The following RFWD3 variants were observed in gnomAD, a reference collection of about 807,000 sequenced individuals.
The protein encoded by RFWD3 is ring finger and WD repeat domain 3.
A neutral mutation model predicts 87.7 loss-of-function variants in RFWD3; 65 were observed. The observed-to-expected ratio is 0.74, with a 90% CI of 0.61 to 0.91. The LOEUF is 0.91. Among genes scored for constraint, RFWD3 ranks in the 40% least tolerant of loss-of-function variants. RFWD3 has a pLI of 0.00. For synonymous variants in RFWD3, 433 were observed against 352.8 expected (o/e 1.23, Z -2.55); for missense variants, 1,078 against 938.5 (o/e 1.15, Z -1.94).
chr16:74,660,967 T>C lies in RFWD3; in HGVS notation c.483A>G (p.Ala161=), dbSNP rs1390801527. 6.2e-7 allele frequency: 1 copy of C among 1,614,148 alleles called. No homozygotes were observed. Among genetic ancestry groups the C allele is most frequent in the Non-Finnish European group, 8.5e-7 (1 of 1,179,982 alleles). ...TRRRVSASRR[A]RAGGSQRTDS... ...CTGTCCTCTGAGACCCTCCGGCTCT[T>C]GCCCTCCGTGAAGCAGATACCCTCC... The change falls in exon 2 of 13, where the codon GCA becomes GCG. Residue 161 remains alanine (A), a synonymous_variant. Coordinates refer to ENST00000361070, the MANE Select transcript of RFWD3 (RefSeq NM_018124.4).
intron 4 of RFWD3, among the ~76,000 whole-genome samples, chr16:74,647,852 A>T (rs1480249710): frequency 6.6e-6 from 1 of 152,170 alleles, no homozygotes; most frequent in Non-Finnish European, 1.5e-5. Flanking sequence ...TTGGCCTCCA[A>T]CAGTGCTGGG....
At chr16:74,631,463 A>ACTCTCTCTCTCT (rs56056110) in intron 9 of RFWD3, among the ~76,000 whole-genome samples, 4,045 of 150,218 alleles carry the variant, frequency 0.027, 84 homozygotes, top group South Asian at 0.051. Context: ...ACAGAGTGAG[A>ACTCTCTCTCTCT]CTCTCTCTCT....
intron 2 of RFWD3, among the ~76,000 whole-genome samples, chr16:74,652,464 G>C (rs1442425591): frequency 6.6e-6 from 1 of 152,142 alleles, no homozygotes; most frequent in East Asian, 1.9e-4. Context: ...GGGAGGGTTA[G>C]CAAGAAGAAA....
chr16:74,637,286 C>T (rs895352800), intron 7 of RFWD3, among the ~76,000 whole-genome samples: 2 of 152,072 alleles, frequency 1.3e-5, no homozygotes, highest in Non-Finnish European at 2.9e-5. Flanking sequence ...GGTAAAATTA[C>T]TTAAACAAGT....
intron 4 of RFWD3, among the ~76,000 whole-genome samples, chr16:74,645,815 G>C (rs9925807): frequency 0.86 from 125,558 of 146,040 alleles, 54,141 homozygotes; most frequent in African/African-American, 0.95. Context: ...TGTAGCGGCA[G>C]AATCTCGGCT....
At chr16:74,661,747 C>T (rs1331251177) in intron 1 of RFWD3, among the ~76,000 whole-genome samples, 1 of 152,186 alleles carries the variant, frequency 6.6e-6, no homozygotes, top group Non-Finnish European at 1.5e-5. Context: ...GATTAAACTA[C>T]TGGGTCTAAA....
At chr16:74,631,208 A>G (rs901771708) in intron 9 of RFWD3, among the ~76,000 whole-genome samples, 6 of 152,154 alleles carry the variant, frequency 3.9e-5, no homozygotes, top group African/African-American at 1.4e-4. Context: ...AAAGGGCTGG[A>G]CATGGTGGCT....
intron 1 of RFWD3, among the ~76,000 whole-genome samples, chr16:74,663,072 T>C (rs1321943690): frequency 2.0e-5 from 3 of 151,770 alleles, no homozygotes; most frequent in East Asian, 3.9e-4. Flanking sequence ...GCCTGGCTAA[T>C]TTTTTGTATT....
At chr16:74,643,960 AG>A (rs1959895206) in intron 6 of RFWD3, 1 of 245,906 alleles carries the variant, frequency 4.1e-6, no homozygotes, top group Non-Finnish European at 8.1e-6. Flanking sequence ...TACAGGCGTG[AG>A]CCACCATGCC....
chr16:74,645,101 A>G (rs978311703), intron 4 of RFWD3, among the ~76,000 whole-genome samples: 7 of 152,244 alleles, frequency 4.6e-5, no homozygotes, highest in South Asian at 4.1e-4. Flanking sequence ...ACAATGGTCA[A>G]TAAGTGTTTG....
At chr16:74,632,717 C>CTATTT in intron 8 of RFWD3, 44 bp from the exon 9 acceptor site, 1 of 1,588,718 alleles carries the variant, frequency 6.3e-7, no homozygotes, top group Non-Finnish European at 8.6e-7. Flanking sequence ...TGAAAGTGAA[C>CTATTT]CTAGGGCAAT....
chr16:74,665,487 A>G (rs964414525), intron 1 of RFWD3, among the ~76,000 whole-genome samples: 2 of 151,890 alleles, frequency 1.3e-5, no homozygotes, highest in African/African-American at 4.8e-5. Flanking sequence ...CTGAGGCAGG[A>G]GAATCGCTTG....
At position 74,623,228 on chromosome 16, in the gene RFWD3, C is replaced by G. The variant is rs1958816668; in HGVS notation, c.*700G>C. Reference sequence around the variant, plus strand: ...TTCGCAAAGCAATGAACTTAATGCACTAGGCATTAGCAAAGGGAATCGTTC... The same window carrying G: ...TTCGCAAAGCAATGAACTTAATGCAGTAGGCATTAGCAAAGGGAATCGTTC... On this transcript the variant is annotated 3_prime_UTR_variant, in exon 13 of 13. Coordinates refer to ENST00000361070, the MANE Select transcript of RFWD3 (RefSeq NM_018124.4). The G allele has an allele frequency of 6.5e-6, 1 of 152,674 alleles. No homozygotes were observed. The highest frequency in any genetic ancestry group is 2.4e-5 in the African/African-American group (1 of 41,452). The allele number at this position is 152,674 out of a possible 1,614,324, so 9.5% of individuals were successfully genotyped here. A position where few individuals can be genotyped will look rare whatever the true frequency, so the allele number is the denominator to read the frequency against.
chr16:74,649,307 T>C, intron 3 of RFWD3, 105 bp from the exon 4 acceptor site: 1 of 702,832 alleles, frequency 1.4e-6, no homozygotes, highest in Non-Finnish European at 2.4e-6. Context: ...CAGCTTCCCA[T>C]TTCTAACTGA....
Position 74,622,892 on chromosome 16 carries a change from C to G in RFWD3, c.*1036G>C, listed in dbSNP as rs1454931140. The G allele has an allele frequency of 6.6e-6, 1 of 152,212 alleles. No homozygotes were observed. The highest frequency in any genetic ancestry group is 1.5e-5 in the Non-Finnish European group (1 of 68,038). 9.4% of individuals were successfully genotyped at this position (152,212 alleles called of 1,614,324 possible). The stretch of plus-strand genomic sequence containing the variant: ...GGATAACTGGAATGTATAAAGAACA[C>G]TTAAGAACAGCCCCTCAGTCTGAGG... On this transcript the variant is annotated 3_prime_UTR_variant, in exon 13 of 13. Transcript: ENST00000361070.
chr16:74,626,556 T>A lies in RFWD3; in HGVS notation c.1970-2A>T. 2 of 1,613,260 alleles carry A rather than the reference T, an allele frequency of 1.2e-6. No homozygotes were observed. Among genetic ancestry groups the A allele is most frequent in the Non-Finnish European group, 1.7e-6 (2 of 1,179,248 alleles). ...TTCGTATGGTGGTGTGATTTTTATC[T>A]ATGGGACAGAGAAATCAGTGCTGCA... On this transcript the variant is annotated splice_acceptor_variant, in intron 11 of 12. Transcript: ENST00000361070. LOFTEE classifies it high-confidence loss of function.
rs770295813 is a variant in RFWD3 at position 74,636,497 on chromosome 16, T to C, written c.1275A>G (p.Ser425=). The C allele has an allele frequency of 6.2e-7, 1 of 1,614,010 alleles. No individual in the cohort carries two copies. The highest frequency in any genetic ancestry group is 1.3e-5 in the African/African-American group (1 of 75,018). ...RGSQAWVLSC[S]PSSQGQHKHK... Reference sequence around the variant, plus strand: ...GCTTGTGCTGGCCCTGGCTGGAGGGTGAGCAGCTCAGGACCCATGCTTGGG... The same window carrying C: ...GCTTGTGCTGGCCCTGGCTGGAGGGCGAGCAGCTCAGGACCCATGCTTGGG... Residue 425 remains serine, a synonymous_variant, in exon 8 of 13, where the codon TCA becomes TCG. Coordinates refer to ENST00000361070, the MANE Select transcript of RFWD3 (RefSeq NM_018124.4).
intron 4 of RFWD3, among the ~76,000 whole-genome samples, chr16:74,648,784 G>C (rs28480186): frequency 1.3e-5 from 2 of 150,638 alleles, no homozygotes; most frequent in African/African-American, 4.9e-5. Context: ...CAAAAAAAAA[G>C]AAAAAAAAGG....
intron 4 of RFWD3, among the ~76,000 whole-genome samples, chr16:74,646,563 G>A (rs184120574): frequency 8.2e-4 from 125 of 152,168 alleles, no homozygotes; most frequent in Non-Finnish European, 1.3e-3. Flanking sequence ...CAAGGCAGGC[G>A]GATCATGAAG....
Sources: gnomAD v4.1 joint callset for allele counts (sites outside exome capture counted in the v4.1 genomes callset) on GRCh38, gnomAD v4.1.1 for gene constraint, MANE v1.5 for transcripts, NCBI Gene and HGNC (gene_info 2026-07-23, HGNC 2026-07-21) for gene names.